RBFOX1: variants seen among roughly 807,000 people sequenced by gnomAD.
RBFOX1 encodes RNA binding protein fox-1 homolog 1.
RBFOX1 carries 8 observed loss-of-function variants against 57.7 expected under a neutral mutation model. The observed-to-expected ratio is 0.14, with a 90% CI of 0.08 to 0.25. The LOEUF (loss-of-function observed/expected upper bound fraction) is 0.25, where lower values mean the gene tolerates loss of function less well. Among genes scored for constraint, RBFOX1 ranks in the 10% least tolerant of loss-of-function variants. RBFOX1 has a pLI of 1.00. For synonymous variants in RBFOX1, 326 were observed against 222.4 expected (o/e 1.47, Z -4.15); for missense variants, 611 against 548.5 (o/e 1.11, Z -1.14).
At chr16:7,157,756 C>T (rs1443370303) in intron 4 of RBFOX1, among the ~76,000 whole-genome samples, 3 of 152,112 alleles carry the variant, frequency 2.0e-5, no homozygotes, top group Non-Finnish European at 4.4e-5. Context: ...GTGGAAACAG[C>T]TTCACAAAAA....
chr16:7,193,952 ATCT>A (rs1460340864), intron 4 of RBFOX1, among the ~76,000 whole-genome samples: 2 of 148,990 alleles, frequency 1.3e-5, no homozygotes, highest in African/African-American at 5.0e-5. Flanking sequence ...ATCTCTAGCT[ATCT>A]TTTTTTTTTT....
At chr16:7,161,259 T>C (rs938129689) in intron 4 of RBFOX1, among the ~76,000 whole-genome samples, 5 of 152,192 alleles carry the variant, frequency 3.3e-5, no homozygotes, top group African/African-American at 1.2e-4. Context: ...TGATTAATGA[T>C]GTCTGCTGTG....
At chr16:6,197,601 C>T (rs571125625) in intron 1 of RBFOX1, among the ~76,000 whole-genome samples, 1 of 151,898 alleles carries the variant, frequency 6.6e-6, no homozygotes, top group African/African-American at 2.4e-5. Context: ...CAGTAGAGGA[C>T]CAGGATCACC....
At chr16:5,382,195 G>T (rs2066147466) in intron 1 of RBFOX1, among the ~76,000 whole-genome samples, 1 of 152,182 alleles carries the variant, frequency 6.6e-6, no homozygotes, top group Admixed American at 6.5e-5. Flanking sequence ...GTTAACTGAG[G>T]CTTCATCAGT....
intron 4 of RBFOX1, among the ~76,000 whole-genome samples, chr16:7,303,878 C>G (rs1223414228): frequency 6.6e-6 from 1 of 151,740 alleles, no homozygotes; most frequent in African/African-American, 2.4e-5. Flanking sequence ...ATCCTTGCCC[C>G]CCTCCCATTC....
chr16:7,246,633 CTT>C (rs56654382), intron 4 of RBFOX1, among the ~76,000 whole-genome samples: 23,370 of 105,060 alleles, frequency 0.22, 3,015 homozygotes, highest in African/African-American at 0.47. Context: ...TGGTCACCTC[CTT>C]TTTTTTTTTT....
chr16:6,808,559 T>C (rs1453526001), intron 3 of RBFOX1, among the ~76,000 whole-genome samples: 1 of 152,142 alleles, frequency 6.6e-6, no homozygotes, highest in African/African-American at 2.4e-5. Flanking sequence ...AAACATTGTC[T>C]GATGGGGAAT....
At chr16:7,592,034 G>A (rs545654971) in intron 7 of RBFOX1, among the ~76,000 whole-genome samples, 13 of 152,058 alleles carry the variant, frequency 8.5e-5, no homozygotes, top group African/African-American at 2.7e-4. Context: ...ACCCAGGGAG[G>A]CCATGCCACT....
intron 3 of RBFOX1, among the ~76,000 whole-genome samples, chr16:5,821,272 C>T (rs1371772789): frequency 2.0e-5 from 3 of 148,126 alleles, no homozygotes; most frequent in Admixed American, 6.7e-5. Context: ...GGGAAGTGGG[C>T]TGTCTGTCAT....
rs574496213 is a variant in RBFOX1, at chr16:6,341,837, C to T, written c.-64+24780C>T. On this transcript the variant is annotated intron_variant, in intron 2 of 15. Transcript: ENST00000550418. ...TCTTTCTTACACAAAATCCAAGAAC[C>T]GTTTATTGGAGTCCAAATCAGGACT... Among the ~76,000 whole-genome samples the T allele has an allele frequency of 3.3e-5, 5 of 152,256 alleles. 1 individual carries two copies. The highest frequency in any genetic ancestry group is 4.2e-4 in the South Asian group (2 of 4,814).
chr16:5,454,898 CTTTCTTTCTTTCT>C (rs2068555579), intron 1 of RBFOX1, among the ~76,000 whole-genome samples: 3 of 66,584 alleles, frequency 4.5e-5, no homozygotes, highest in South Asian at 8.7e-4. Flanking sequence ...TTCTTTCTTT[CTTTCTTTCTTTCT>C]TTCCTTTGTT....
At chr16:6,977,873 C>T (rs1320151528) in intron 3 of RBFOX1, among the ~76,000 whole-genome samples, 4 of 143,192 alleles carry the variant, frequency 2.8e-5, no homozygotes, top group Admixed American at 2.1e-4. Flanking sequence ...GAGAGAAACA[C>T]GTGAGCTGAG....
At chr16:5,964,462 C>T (rs2059806431) in intron 4 of RBFOX1, among the ~76,000 whole-genome samples, 1 of 152,100 alleles carries the variant, frequency 6.6e-6, no homozygotes. Flanking sequence ...TCACATTATT[C>T]ACAATAGCCA....
At chr16:7,130,252 C>T (rs912959327) in intron 4 of RBFOX1, among the ~76,000 whole-genome samples, 3 of 152,006 alleles carry the variant, frequency 2.0e-5, no homozygotes, top group Non-Finnish European at 4.4e-5. Context: ...CCAGGCTGGT[C>T]TTGAACTCCT....
chr16:6,247,472 AAATAT>A (rs2152937761), intron 1 of RBFOX1, among the ~76,000 whole-genome samples: 1 of 152,338 alleles, frequency 6.6e-6, no homozygotes, highest in Admixed American at 6.5e-5. Flanking sequence ...ATGAATGAGA[AAATAT>A]AATATAATTT....
intron 3 of RBFOX1, among the ~76,000 whole-genome samples, chr16:7,023,096 G>C (rs1210061646): frequency 6.6e-6 from 1 of 152,162 alleles, no homozygotes; most frequent in East Asian, 1.9e-4. Context: ...CCAGTGCAAA[G>C]GCACTGAGGT....
intron 14 of RBFOX1, among the ~76,000 whole-genome samples, chr16:7,690,036 A>C (rs56370418): frequency 6.6e-6 from 1 of 152,066 alleles, no homozygotes; most frequent in African/African-American, 2.4e-5. Context: ...TCAGTGATTC[A>C]ACTCCCTTGA....
chr16:6,290,271 A>T (rs1219412940), intron 1 of RBFOX1, among the ~76,000 whole-genome samples: 1 of 149,816 alleles, frequency 6.7e-6, no homozygotes, highest in Non-Finnish European at 1.5e-5. Context: ...ACGAAGGTGA[A>T]TATGGAGAAG....
intron 4 of RBFOX1, among the ~76,000 whole-genome samples, chr16:5,883,660 T>G (rs962604518): frequency 9.2e-5 from 14 of 152,324 alleles, no homozygotes; most frequent in Admixed American, 7.2e-4. Context: ...ATAAGCCTGG[T>G]GTCTTCAGCT....
Sources: gnomAD v4.1 joint callset for allele counts (sites outside exome capture counted in the v4.1 genomes callset) on GRCh38, gnomAD v4.1.1 for gene constraint, MANE v1.5 for transcripts, NCBI Gene and HGNC (gene_info 2026-07-23, HGNC 2026-07-21) for gene names.